The following FOXP1 variants were observed in gnomAD, a reference collection of about 807,000 sequenced individuals.
FOXP1 encodes the protein forkhead box P1.
In FOXP1, 15 loss-of-function variants were observed where a neutral mutation model predicts 98.2. The ratio of observed to expected loss-of-function variants is 0.15; its 90% CI spans 0.10 to 0.24. The LOEUF (loss-of-function observed/expected upper bound fraction) is 0.24. Ranked by LOEUF, FOXP1 falls within the 10% of genes least tolerant of loss-of-function variation. The pLI is 1.00. For synonymous variants in FOXP1, 371 were observed against 314.5 expected (o/e 1.18, Z -1.90); for missense variants, 633 against 848.5 (o/e 0.75, Z 3.15).
chr3:71,004,194 G>A (rs758487759), intron 12 of FOXP1, among the ~76,000 whole-genome samples: 3 of 151,710 alleles, frequency 2.0e-5, no homozygotes, highest in Non-Finnish European at 2.9e-5. Flanking sequence ...ACTGTATTTT[G>A]TTTTGTTTTT....
At chr3:71,451,971 A>G (rs1577589229) in intron 3 of FOXP1, among the ~76,000 whole-genome samples, 1 of 152,214 alleles carries the variant, frequency 6.6e-6, no homozygotes, top group African/African-American at 2.4e-5. Flanking sequence ...CCTAGAGTGC[A>G]GTGTTTCAAG....
At chr3:71,241,745 T>C (rs2106915216) in intron 5 of FOXP1, among the ~76,000 whole-genome samples, 1 of 152,374 alleles carries the variant, frequency 6.6e-6, no homozygotes, top group East Asian at 1.9e-4. Context: ...GCATCATTTA[T>C]GTCCATAATA....
intron 3 of FOXP1, among the ~76,000 whole-genome samples, chr3:71,455,450 T>A (rs1405228371): frequency 6.6e-6 from 1 of 152,180 alleles, no homozygotes; most frequent in African/African-American, 2.4e-5. Context: ...TCCCTTTTAA[T>A]TAAAGAAAAC....
intron 3 of FOXP1, among the ~76,000 whole-genome samples, chr3:71,443,125 C>T (rs1326644954): frequency 5.9e-5 from 9 of 152,162 alleles, no homozygotes; most frequent in Admixed American, 5.2e-4. Context: ...AACTCCTGAC[C>T]TCAGGTGATC....
rs1234678062 is a variant in FOXP1, at chr3:71,182,502, ATGTGTG to A, written c.180+15694_180+15699del. On this transcript the variant is annotated intron_variant, in intron 6 of 20. Transcript: ENST00000649528. The stretch of plus-strand genomic sequence containing the variant: ...ATACAGAAAAGTGTAAACTATATAT[ATGTGTG>A]TGTGTGTGTGTGTGTGTGTGTGTGT... 6.0e-5 allele frequency among the ~76,000 whole-genome samples: 8 copies of A among 133,702 alleles called. No individual in the cohort carries two copies. The South Asian group carries it at 7.1e-4, about 12-fold the overall frequency. The allele number at this position is 133,702 out of a possible 152,430, so 87.7% of individuals were successfully genotyped here. A position where few individuals can be genotyped will look rare whatever the true frequency, so the allele number is the denominator to read the frequency against.
intron 5 of FOXP1, among the ~76,000 whole-genome samples, chr3:71,281,434 G>A (rs1458764513): frequency 6.6e-6 from 1 of 152,124 alleles, no homozygotes; most frequent in African/African-American, 2.4e-5. Flanking sequence ...TGAGTGGTGA[G>A]AAAGCACCCG....
At chr3:71,254,652 T>G (rs549951958) in intron 5 of FOXP1, among the ~76,000 whole-genome samples, 1 of 152,298 alleles carries the variant, frequency 6.6e-6, no homozygotes, top group East Asian at 1.9e-4. Flanking sequence ...CTAGAGAAGG[T>G]GAATTCCAGT....
At chr3:71,254,306 G>GA (rs2068454977) in intron 5 of FOXP1, among the ~76,000 whole-genome samples, 1 of 152,132 alleles carries the variant, frequency 6.6e-6, no homozygotes. Context: ...CCCCCGCAAA[G>GA]TGTGACTAGA....
chr3:71,354,005 A>T (rs530857232), intron 4 of FOXP1, among the ~76,000 whole-genome samples: 140 of 152,206 alleles, frequency 9.2e-4, no homozygotes, highest in African/African-American at 3.2e-3. Flanking sequence ...ATATTTTTTT[A>T]AAAAAAGAGA....
At chr3:71,128,550 G>A (rs1474273) in intron 6 of FOXP1, among the ~76,000 whole-genome samples, 37,812 of 151,946 alleles carry the variant, frequency 0.25, 4,877 homozygotes, top group African/African-American at 0.3. Flanking sequence ...GATAAATTAC[G>A]TTGTACCCTA....
intron 6 of FOXP1, among the ~76,000 whole-genome samples, chr3:71,126,606 T>C (rs2059198156): frequency 6.6e-6 from 1 of 152,068 alleles, no homozygotes; most frequent in Non-Finnish European, 1.5e-5. Flanking sequence ...GGGAGACCGC[T>C]TGAGCCCAGG....
At chr3:71,283,378 T>C (rs2071769421) in intron 5 of FOXP1, among the ~76,000 whole-genome samples, 1 of 152,020 alleles carries the variant, frequency 6.6e-6, no homozygotes, top group South Asian at 2.1e-4. Flanking sequence ...CCAAGGGTCT[T>C]AGAGCTTAAA....
At chr3:71,089,866 A>G (rs941892986) in intron 7 of FOXP1, among the ~76,000 whole-genome samples, 1 of 152,244 alleles carries the variant, frequency 6.6e-6, no homozygotes, top group African/African-American at 2.4e-5. Flanking sequence ...AGGGATAGAC[A>G]GCAGACAGGC....
At chr3:71,580,796 A>C in intron 2 of FOXP1, 1 of 985,388 alleles carries the variant, frequency 1.0e-6, no homozygotes, top group Non-Finnish European at 1.2e-6. Context: ...TCCAAGCCCT[A>C]AACCCTTAAG....
At chr3:70,964,181 G>A (rs902031074) in intron 20 of FOXP1, among the ~76,000 whole-genome samples, 2 of 152,166 alleles carry the variant, frequency 1.3e-5, no homozygotes, top group Non-Finnish European at 2.9e-5. Flanking sequence ...TTTGAGCAAC[G>A]CATGTTGACA....
intron 11 of FOXP1, among the ~76,000 whole-genome samples, chr3:71,026,268 A>G (rs915507238): frequency 6.6e-6 from 1 of 152,210 alleles, no homozygotes; most frequent in African/African-American, 2.4e-5. Context: ...TAAAGAAAAT[A>G]ATACAAATAA....
intron 5 of FOXP1, among the ~76,000 whole-genome samples, chr3:71,284,399 T>C (rs1331416748): frequency 6.6e-6 from 1 of 152,090 alleles, no homozygotes; most frequent in Non-Finnish European, 1.5e-5. Context: ...AACCCGTCTC[T>C]ACAAAAAATA....
At chr3:71,130,660 C>G in intron 6 of FOXP1, 4 of 1,594,842 alleles carry the variant, frequency 2.5e-6, no homozygotes, top group Non-Finnish European at 3.4e-6. Flanking sequence ...GAAGCACACT[C>G]GAAGAGAAAA....
chr3:71,318,633 T>C (rs1372365394), intron 4 of FOXP1, among the ~76,000 whole-genome samples: 2 of 152,214 alleles, frequency 1.3e-5, no homozygotes, highest in African/African-American at 2.4e-5. Flanking sequence ...AATAAACTTT[T>C]TCACTATTTA....
Sources: gnomAD v4.1 joint callset for allele counts (sites outside exome capture counted in the v4.1 genomes callset) on GRCh38, gnomAD v4.1.1 for gene constraint, MANE v1.5 for transcripts, NCBI Gene and HGNC (gene_info 2026-07-23, HGNC 2026-07-21) for gene names.